The following ADAM22 variants were observed in gnomAD, a reference collection of about 807,000 sequenced individuals.
The protein encoded by ADAM22 is ADAM metallopeptidase domain 22, also known as disintegrin and metalloproteinase domain-containing protein 22.
ADAM22 carries 65 observed loss-of-function variants against 144.6 expected under a neutral mutation model. The observed-to-expected ratio is 0.45, with a 90% CI of 0.37 to 0.55. The LOEUF (loss-of-function observed/expected upper bound fraction) is 0.55. Ranked by LOEUF, ADAM22 falls within the 20% of genes least tolerant of loss-of-function variation. ADAM22 has a pLI of 0.00. For synonymous variants in ADAM22, 391 were observed against 412.6 expected (o/e 0.95, Z 0.63); for missense variants, 974 against 1,184.9 (o/e 0.82, Z 2.61).
intron 31 of ADAM22, among the ~76,000 whole-genome samples, chr7:88,195,430 AGAAT>A (rs1415521790): frequency 6.6e-6 from 1 of 152,234 alleles, no homozygotes; most frequent in East Asian, 1.9e-4. Context: ...TAAGAGGGAC[AGAAT>A]GAATGAAGGG....
chr7:88,046,341 T>C (rs1394806638), intron 3 of ADAM22, among the ~76,000 whole-genome samples: 1 of 152,238 alleles, frequency 6.6e-6, no homozygotes, highest in African/African-American at 2.4e-5. Flanking sequence ...TATTTTTTCA[T>C]TTACCTGTTG....
intron 4 of ADAM22, among the ~76,000 whole-genome samples, chr7:88,091,232 C>T (rs1487107381): frequency 6.6e-6 from 1 of 152,100 alleles, no homozygotes; most frequent in Non-Finnish European, 1.5e-5. Context: ...CCTTACAAAT[C>T]CAAACTCATT....
intron 23 of ADAM22, among the ~76,000 whole-genome samples, 199 bp downstream of exon 23, chr7:88,163,379 T>A (rs1359888087): frequency 6.6e-6 from 1 of 152,126 alleles, no homozygotes; most frequent in African/African-American, 2.4e-5. Flanking sequence ...AGGAAATGAA[T>A]AATCTTTCTA....
rs149383362 is a variant in ADAM22 at position 88,012,200 on chromosome 7, ATTCT to A, written c.323+33794_323+33797del. On this transcript the variant is annotated intron_variant, in intron 3 of 31. Transcript: ENST00000413139. ...TTTTGACTGCTAACTTTTCCTTTTG[ATTCT>A]TTCTTAGAATTTTTCTCTCTCTGCT... is the stretch of plus-strand genomic sequence containing the variant. Among the ~76,000 whole-genome samples the A allele has an allele frequency of 2.0e-5, 3 of 151,914 alleles. No individual in the cohort carries two copies. The East Asian group carries it at 5.8e-4, about 29-fold the overall frequency.
chr7:88,047,876 C>T (rs1449872026), intron 3 of ADAM22, among the ~76,000 whole-genome samples: 1 of 151,756 alleles, frequency 6.6e-6, no homozygotes, highest in South Asian at 2.1e-4. Flanking sequence ...GATGTATATA[C>T]ATTTAAATAA....
chr7:87,955,448 A>T (rs1199393863), intron 2 of ADAM22, among the ~76,000 whole-genome samples: 3 of 152,144 alleles, frequency 2.0e-5, no homozygotes, highest in African/African-American at 7.2e-5. Context: ...GCAGAACCGC[A>T]GATTTTTGTG....
chr7:88,135,242 C>T (rs865862765), intron 13 of ADAM22, among the ~76,000 whole-genome samples: 1 of 119,374 alleles, frequency 8.4e-6, no homozygotes, highest in Admixed American at 1.2e-4. Context: ...CACACCATTG[C>T]ACTTCAGCCT....
At chr7:88,094,758 C>G (rs1820807246) in intron 4 of ADAM22, among the ~76,000 whole-genome samples, 1 of 152,104 alleles carries the variant, frequency 6.6e-6, no homozygotes, top group Non-Finnish European at 1.5e-5. Context: ...TGAAGTCCTG[C>G]TGTCTTTCTG....
intron 30 of ADAM22, among the ~76,000 whole-genome samples, chr7:88,191,573 A>C (rs1406370190): frequency 6.6e-6 from 1 of 152,186 alleles, no homozygotes; most frequent in Non-Finnish European, 1.5e-5. Flanking sequence ...ACATGTACCA[A>C]ATTTGTTTCT....
At chr7:88,021,049 A>G (rs1184321226) in intron 3 of ADAM22, among the ~76,000 whole-genome samples, 1 of 152,164 alleles carries the variant, frequency 6.6e-6, no homozygotes, top group East Asian at 1.9e-4. Context: ...GGAAATAAAT[A>G]CTTTGTCTTC....
chr7:88,146,210 T>C (rs1203959766), intron 17 of ADAM22, among the ~76,000 whole-genome samples: 1 of 152,212 alleles, frequency 6.6e-6, no homozygotes, highest in East Asian at 1.9e-4. Context: ...CACTTTACTC[T>C]GTACATTTCA....
chr7:88,166,537 A>AG (rs1842977543), intron 24 of ADAM22, among the ~76,000 whole-genome samples: 1 of 152,144 alleles, frequency 6.6e-6, no homozygotes, highest in African/African-American at 2.4e-5. Flanking sequence ...TATACATTGG[A>AG]GGCAAATGTC....
intron 3 of ADAM22, among the ~76,000 whole-genome samples, chr7:87,996,866 A>G (rs2129453842): frequency 6.6e-6 from 1 of 152,322 alleles, no homozygotes; most frequent in South Asian, 2.1e-4. Flanking sequence ...AGATTTATCC[A>G]CTTGTAAAAC....
At chr7:88,047,459 G>T (rs1311609607) in intron 3 of ADAM22, among the ~76,000 whole-genome samples, 1 of 151,990 alleles carries the variant, frequency 6.6e-6, no homozygotes, top group African/African-American at 2.4e-5. Context: ...TCTGTTTATT[G>T]TGACTCTCAA....
At chr7:88,025,248 G>C (rs1175039990) in intron 3 of ADAM22, among the ~76,000 whole-genome samples, 1 of 152,144 alleles carries the variant, frequency 6.6e-6, no homozygotes, top group Non-Finnish European at 1.5e-5. Flanking sequence ...TGAGTTGTTT[G>C]AGCTCCTTGT....
chr7:87,978,975 G>A (rs758175836), intron 3 of ADAM22, among the ~76,000 whole-genome samples: 3 of 151,990 alleles, frequency 2.0e-5, no homozygotes, highest in Non-Finnish European at 4.4e-5. Context: ...TTTGTTGCTG[G>A]ATTTAATCTC....
chr7:88,169,828 T>G (rs992712093), intron 25 of ADAM22, among the ~76,000 whole-genome samples: 2 of 152,158 alleles, frequency 1.3e-5, no homozygotes, highest in Non-Finnish European at 2.9e-5. Flanking sequence ...CAAGCATTAT[T>G]GTGTTGAAGT....
At chr7:87,968,088 A>C (rs1300139794) in intron 2 of ADAM22, among the ~76,000 whole-genome samples, 1 of 152,220 alleles carries the variant, frequency 6.6e-6, no homozygotes, top group East Asian at 1.9e-4. Flanking sequence ...TAGTAAGTAA[A>C]TATTCAGTTT....
chr7:88,043,363 TA>T (rs887051505), intron 3 of ADAM22, among the ~76,000 whole-genome samples: 6 of 151,766 alleles, frequency 4.0e-5, no homozygotes, highest in African/African-American at 1.2e-4. Context: ...CGGGCACCTG[TA>T]GTCCCAGCTA....
Sources: allele counts gnomAD v4.1 joint callset (sites outside exome capture counted in the v4.1 genomes callset), GRCh38; gene constraint gnomAD v4.1.1; transcripts MANE v1.5; gene names NCBI Gene and HGNC (gene_info 2026-07-23, HGNC 2026-07-21).